ZNF14: variants seen among roughly 807,000 people sequenced by gnomAD.
ZNF14 encodes the protein zinc finger protein 14.
ZNF14 carries 9 observed loss-of-function variants against 11.3 expected under a neutral mutation model. The observed-to-expected ratio is 0.80, with a 90% confidence interval of 0.48 to 1.39. The LOEUF (loss-of-function observed/expected upper bound fraction) is 1.39, where lower values mean the gene tolerates loss of function less well. Ranked by LOEUF, ZNF14 falls within the 40% of genes most tolerant of loss-of-function variation. The pLI is 0.00. For synonymous variants in ZNF14, 239 were observed against 245.7 expected, an observed-to-expected ratio of 0.97 and a Z score of 0.25; for missense variants, 711 against 763.9, an observed-to-expected ratio of 0.93 and a Z score of 0.82.
In ZNF14 at chr19:19,712,223, T is replaced by C; in HGVS notation, c.1058A>G (p.His353Arg). 1 of 1,614,052 alleles carries C rather than the reference T, an allele frequency of 6.2e-7. No individual in the cohort carries two copies. Among genetic ancestry groups the C allele is most frequent in the Non-Finnish European group, 8.5e-7 (1 of 1,179,994 alleles). ...AFNSSNSCRVHERTHIGEKPY... is the reference protein window; with the variant it reads ...AFNSSNSCRVRERTHIGEKPY... ...TTTTTCTCCAATATGAGTTCTTTCA[T>C]GCACTCGACAGGAATTAGAAGAGTT... The change falls in exon 4 of 4, where the codon CAT becomes CGT. Residue 353 changes from histidine (H) to arginine (R), a missense_variant. Physicochemically the swap from His to Arg is conservative, Grantham distance 29. Transcript: ENST00000344099.
rs773720793 is a variant in ZNF14, at chr19:19,711,421, A to G, written c.1860T>C (p.Cys620=). 5 of 1,603,250 alleles carry G rather than the reference A, an allele frequency of 3.1e-6. No individual in the cohort carries two copies. The South Asian group carries it at 5.6e-5, about 18-fold the overall frequency. The change falls in exon 4 of 4, where the codon TGT becomes TGC. Residue 620 remains cysteine, a synonymous_variant. Coordinates refer to ENST00000344099, the MANE Select transcript of ZNF14 (RefSeq NM_021030.3). The stretch of plus-strand genomic sequence containing the variant: ...GACTGGAAGAAATGAAGGCTTTTCC[A>G]CATTGTTTGCATTCATAAGGTTTCT... ...TGEKPYECKQ[C]GKAFISSSHF... is the part of the protein sequence containing the mutation.
intron 1 of ZNF14, among the ~76,000 whole-genome samples, chr19:19,715,157 C>T (rs944242228): frequency 6.6e-6 from 1 of 152,218 alleles, no homozygotes; most frequent in Non-Finnish European, 1.5e-5. Flanking sequence ...AACTCATTTC[C>T]TACCTTATTA....
rs767524429 is a variant in ZNF14 at position 19,714,437 on chromosome 19, C to T, written c.54G>A (p.Trp18Ter). ...DVAVNFTLEE[W>*]ALLDSSQKKL... ...TTTTCTGTGAAGAATCCAGCAAAGC[C>T]CACTCCTCCAGGGTGAAGTTCACGG... Residue 18 changes from tryptophan (W) to a stop codon, truncating the protein, a stop_gained, in exon 2 of 4, where the codon TGG becomes TGA. Coordinates refer to ENST00000344099, the MANE Select transcript of ZNF14 (RefSeq NM_021030.3). LOFTEE classifies it high-confidence loss of function. 6.2e-7 allele frequency: 1 copy of T among 1,614,108 alleles called. No homozygotes were observed. The highest frequency in any genetic ancestry group is 1.1e-5 in the South Asian group (1 of 91,084).
At chr19:19,713,962 G>T in intron 3 of ZNF14, 129 bp downstream of exon 3, 1 of 851,202 alleles carries the variant, frequency 1.2e-6, no homozygotes, top group Non-Finnish European at 1.9e-6. Flanking sequence ...CATCTATGAT[G>T]TTTTTAAGAA....
chr19:19,722,397 A>G (rs1430159715), intron 1 of ZNF14, among the ~76,000 whole-genome samples: 1 of 152,028 alleles, frequency 6.6e-6, no homozygotes, highest in Non-Finnish European at 1.5e-5. Context: ...GTGTGGTATT[A>G]TTTCTGAGTG....
intron 1 of ZNF14, among the ~76,000 whole-genome samples, chr19:19,715,527 GAAGTGT>G: frequency 6.6e-6 from 1 of 152,350 alleles, no homozygotes; most frequent in African/African-American, 2.4e-5. Context: ...TGTGCAGGGG[GAAGTGT>G]ATTACAGAAG....
At position 19,711,224 on chromosome 19, in the gene ZNF14, A is replaced by G; in HGVS notation, c.*128T>C. 9.0e-7 allele frequency: 1 copy of G among 1,111,116 alleles called. No individual in the cohort carries two copies. Among genetic ancestry groups the G allele is most frequent in the Non-Finnish European group, 1.2e-6 (1 of 811,166 alleles). 68.8% of individuals were successfully genotyped at this position (1,111,116 alleles called of 1,614,324 possible). ...CCAGTGGGAATTCTTTCGTGCTCAA[A>G]AGAAACTGGAACAATTAAGGGCTTT... On this transcript the variant is annotated 3_prime_UTR_variant, in exon 4 of 4. Transcript: ENST00000344099.
intron 1 of ZNF14, among the ~76,000 whole-genome samples, chr19:19,732,092 T>C (rs931933338): frequency 1.3e-5 from 2 of 152,230 alleles, no homozygotes; most frequent in Non-Finnish European, 2.9e-5. Flanking sequence ...TTACCACTTA[T>C]ATACGGAACA....
At chr19:19,728,524 A>AAC (rs2062412744) in intron 1 of ZNF14, among the ~76,000 whole-genome samples, 1 of 128,900 alleles carries the variant, frequency 7.8e-6, no homozygotes, top group Non-Finnish European at 1.7e-5. Context: ...TCAAAAAAAA[A>AAC]AAAAAAAAAA....
rs539691091 is a variant in ZNF14, at chr19:19,717,369, G to A, written c.4-2882C>T. ...TGGGATGTTTCCATGCATTCCCTGG[G>A]TGTGCCATCCTCACAGCACCTCAAT... On this transcript the variant is annotated intron_variant, in intron 1 of 3. Coordinates refer to ENST00000344099, the MANE Select transcript of ZNF14 (RefSeq NM_021030.3). 6.1e-4 allele frequency among the ~76,000 whole-genome samples: 93 copies of A among 152,296 alleles called. 1 individual carries two copies. Among genetic ancestry groups the A allele is most frequent in the African/African-American group, 2.1e-3 (87 of 41,562 alleles).
At chr19:19,718,564 G>C (rs2062383844) in intron 1 of ZNF14, among the ~76,000 whole-genome samples, 1 of 152,052 alleles carries the variant, frequency 6.6e-6, no homozygotes. Context: ...AGAAATAACT[G>C]AAGCAATAAT....
Position 19,711,569 on chromosome 19 carries a change from GAAGAA to G in ZNF14, c.1707_1711del (p.Ser570GlnfsTer2). ...TCTCTCATGCATTCGAAATTTACTG[GAAGAA>G]ATGAAGGCTTTTCCACATTGTTTAC... is the stretch of plus-strand genomic sequence containing the variant. On this transcript the variant is annotated frameshift_variant, in exon 4 of 4. Transcript: ENST00000344099. LOFTEE classifies it low-confidence loss of function (END_TRUNC). The G allele has an allele frequency of 6.2e-7, 1 of 1,613,590 alleles. No homozygotes were observed. The highest frequency in any genetic ancestry group is 8.5e-7 in the Non-Finnish European group (1 of 1,179,758).
chr19:19,714,436 C>T lies in ZNF14; in HGVS notation c.55G>A (p.Ala19Thr), dbSNP rs1261557688. 1 of 1,614,128 alleles carries T rather than the reference C, an allele frequency of 6.2e-7. No homozygotes were observed. ...TTTTTCTGTGAAGAATCCAGCAAAG[C>T]CCACTCCTCCAGGGTGAAGTTCACG... ...VAVNFTLEEWALLDSSQKKLY... is the reference protein window; with the variant it reads ...VAVNFTLEEWTLLDSSQKKLY... The change falls in exon 2 of 4, where the codon GCT becomes ACT. Residue 19 changes from alanine to threonine, a missense_variant. By Grantham distance (58) the Ala-to-Thr change is moderately conservative. Transcript: ENST00000344099.
chr19:19,715,547 GAAAC>G (rs2062375511), intron 1 of ZNF14, among the ~76,000 whole-genome samples: 3 of 152,158 alleles, frequency 2.0e-5, no homozygotes, highest in Non-Finnish European at 4.4e-5. Context: ...ACAGAAGCGA[GAAAC>G]AAAGACAGTT....
At chr19:19,723,426 T>A (rs1424069448) in intron 1 of ZNF14, among the ~76,000 whole-genome samples, 1 of 152,206 alleles carries the variant, frequency 6.6e-6, no homozygotes, top group Non-Finnish European at 1.5e-5. Context: ...ATCCCAGGGA[T>A]GAAGCCAACT....
intron 1 of ZNF14, among the ~76,000 whole-genome samples, chr19:19,718,375 G>A (rs1361811273): frequency 1.3e-5 from 2 of 152,164 alleles, no homozygotes; most frequent in Middle Eastern, 3.2e-3. Context: ...CAGCCTTACA[G>A]GTTCATCAAT....
chr19:19,731,612 A>C (rs1447787258), intron 1 of ZNF14, among the ~76,000 whole-genome samples: 2 of 152,056 alleles, frequency 1.3e-5, no homozygotes, highest in African/African-American at 2.4e-5. Context: ...AACTACCCAC[A>C]ATGACTCTAG....
chr19:19,717,504 CCT>C (rs1430308849), intron 1 of ZNF14, among the ~76,000 whole-genome samples: 21 of 152,168 alleles, frequency 1.4e-4, no homozygotes, highest in Non-Finnish European at 2.6e-4. Flanking sequence ...ATCTCCAGCT[CCT>C]CTTTTCTCTT....
Position 19,710,495 on chromosome 19 carries a change from G to A in ZNF14, c.*857C>T. 6.6e-6 allele frequency: 1 copy of A among 152,080 alleles called. No homozygotes were observed. The highest frequency in any genetic ancestry group is 3.2e-3 in the Middle Eastern group (1 of 316). The allele number at this position is 152,080 out of a possible 1,614,324, so 9.4% of individuals were successfully genotyped here. On this transcript the variant is annotated 3_prime_UTR_variant, in exon 4 of 4. Transcript: ENST00000344099. ...TATAAGATTGTAAAATTTTATTACT[G>A]GGCTGTTTACATGATACTTTCTTTC...
Sources: gnomAD v4.1 joint callset for allele counts (sites outside exome capture counted in the v4.1 genomes callset) on GRCh38, gnomAD v4.1.1 for gene constraint, MANE v1.5 for transcripts, NCBI Gene and HGNC (gene_info 2026-07-23, HGNC 2026-07-21) for gene names.